NKAIN2: variants seen among roughly 807,000 people sequenced by gnomAD.
NKAIN2 encodes sodium/potassium transporting ATPase interacting 2, also known as sodium/potassium-transporting ATPase subunit beta-1-interacting protein 2.
A neutral mutation model predicts 32.6 loss-of-function variants in NKAIN2; 14 were observed. The observed-to-expected ratio is 0.43, with a 90% CI of 0.28 to 0.67. The LOEUF is 0.67. Ranked by LOEUF, NKAIN2 falls within the 30% of genes least tolerant of loss-of-function variation. The probability of loss-of-function intolerance (pLI) is 0.17; values close to 1 mark genes in which losing one functional copy is unlikely to be tolerated. For missense variants in NKAIN2, 198 were observed against 258.3 expected, an observed-to-expected ratio of 0.77 and a Z score of 1.60; for synonymous variants, 80 against 87.2, an observed-to-expected ratio of 0.92 and a Z score of 0.46.
rs1778005404 is a variant in NKAIN2, at chr6:123,964,948, C to G, written c.54+160694C>G. Among the ~76,000 whole-genome samples the G allele has an allele frequency of 1.3e-5, 2 of 152,108 alleles. No homozygotes were observed. The highest frequency in any genetic ancestry group is 4.8e-5 in the African/African-American group (2 of 41,426). Reference sequence around the variant, plus strand: ...AGTCCTATTTTGCCCTATTTAAGCCCTTGCTTAAATTGATTGCCCAGGTAA... The same window carrying G: ...AGTCCTATTTTGCCCTATTTAAGCCGTTGCTTAAATTGATTGCCCAGGTAA... On this transcript the variant is annotated intron_variant, in intron 1 of 6. Coordinates refer to ENST00000368417, the MANE Select transcript of NKAIN2 (RefSeq NM_001040214.3). The surrounding 1 kb of genome is among the most constrained non-coding windows in gnomAD (Gnocchi z 4.0).
At chr6:124,147,384 A>G (rs1479815891) in intron 1 of NKAIN2, among the ~76,000 whole-genome samples, 1 of 152,136 alleles carries the variant, frequency 6.6e-6, no homozygotes, top group African/African-American at 2.4e-5. Context: ...TCTAGAGAAC[A>G]GTCTCCACCA....
At chr6:124,254,705 C>G (rs1337967664) in intron 1 of NKAIN2, among the ~76,000 whole-genome samples, 5 of 152,116 alleles carry the variant, frequency 3.3e-5, no homozygotes, top group Non-Finnish European at 5.9e-5. Flanking sequence ...GTAGTTTCCT[C>G]TAAGCACTGT....
intron 1 of NKAIN2, among the ~76,000 whole-genome samples, chr6:124,025,644 G>A (rs1185188649): frequency 1.3e-5 from 2 of 152,092 alleles, no homozygotes; most frequent in Non-Finnish European, 2.9e-5. Flanking sequence ...GTTAATAATA[G>A]TGTATTGTAT....
At chr6:124,626,608 G>A (rs1425201471) in intron 3 of NKAIN2, among the ~76,000 whole-genome samples, 1 of 152,084 alleles carries the variant, frequency 6.6e-6, no homozygotes, top group Non-Finnish European at 1.5e-5. Context: ...GCAAGTAGTA[G>A]TCAAAAAGGG....
At chr6:123,906,269 T>A (rs977633476) in intron 1 of NKAIN2, among the ~76,000 whole-genome samples, 2 of 152,064 alleles carry the variant, frequency 1.3e-5, no homozygotes, top group African/African-American at 4.8e-5. Flanking sequence ...CACTTTCTTC[T>A]TCTTCTTCTT....
At chr6:123,939,235 A>T (rs1248601887) in intron 1 of NKAIN2, among the ~76,000 whole-genome samples, 5 of 151,912 alleles carry the variant, frequency 3.3e-5, no homozygotes, top group African/African-American at 1.2e-4. Flanking sequence ...AAAAATAAAG[A>T]TAGTTGCAGA....
chr6:124,024,073 A>G (rs1780994777), intron 1 of NKAIN2, among the ~76,000 whole-genome samples: 1 of 152,150 alleles, frequency 6.6e-6, no homozygotes, highest in Non-Finnish European at 1.5e-5. Context: ...AAAATGGGAA[A>G]GATGGTTTGT....
At chr6:123,970,283 G>C (rs937747863) in intron 1 of NKAIN2, among the ~76,000 whole-genome samples, 1 of 152,126 alleles carries the variant, frequency 6.6e-6, no homozygotes, top group Non-Finnish European at 1.5e-5. Flanking sequence ...AAATGGTAAG[G>C]CTGGTATGTA....
At chr6:124,534,586 G>A (rs576284067) in intron 3 of NKAIN2, among the ~76,000 whole-genome samples, 2 of 152,308 alleles carry the variant, frequency 1.3e-5, no homozygotes, top group Middle Eastern at 3.4e-3. Context: ...TAGTCGGTTC[G>A]AATTTCAGAA....
chr6:124,276,756 T>C (rs150748974), intron 1 of NKAIN2, among the ~76,000 whole-genome samples: 1,991 of 152,286 alleles, frequency 0.013, 23 homozygotes, highest in Admixed American at 0.039. Flanking sequence ...TTTAAAGTCT[T>C]TACAACTTTC....
chr6:124,428,244 C>G (rs1775066425), intron 3 of NKAIN2, among the ~76,000 whole-genome samples: 1 of 152,082 alleles, frequency 6.6e-6, no homozygotes, highest in South Asian at 2.1e-4. Context: ...TTAAACATAG[C>G]TTTTCATGGA....
intron 4 of NKAIN2, among the ~76,000 whole-genome samples, chr6:124,782,973 C>T (rs1381131322): frequency 3.3e-5 from 5 of 152,096 alleles, no homozygotes. Flanking sequence ...TCCCCTATGG[C>T]TCTTATCTCT....
intron 1 of NKAIN2, among the ~76,000 whole-genome samples, chr6:124,001,222 G>A (rs1779865221): frequency 6.6e-6 from 1 of 151,588 alleles, no homozygotes. Context: ...CTCTTTAAAG[G>A]GAATAGCTTT....
At chr6:124,767,691 CTGT>C (rs2114751218) in intron 4 of NKAIN2, among the ~76,000 whole-genome samples, 1 of 152,296 alleles carries the variant, frequency 6.6e-6, no homozygotes, top group African/African-American at 2.4e-5. Flanking sequence ...ATATCTTTCA[CTGT>C]TGTTCTCTCC....
At chr6:124,151,656 A>C (rs1787731734) in intron 1 of NKAIN2, among the ~76,000 whole-genome samples, 1 of 152,004 alleles carries the variant, frequency 6.6e-6, no homozygotes, top group African/African-American at 2.4e-5. Flanking sequence ...GGTTGTCAGC[A>C]TTTGTTATTG....
At chr6:124,024,957 C>G (rs1283779500) in intron 1 of NKAIN2, among the ~76,000 whole-genome samples, 1 of 150,968 alleles carries the variant, frequency 6.6e-6, no homozygotes, top group Non-Finnish European at 1.5e-5. Flanking sequence ...ACTGCTCCAG[C>G]CTGGCAACAG....
chr6:124,344,649 A>G (rs1213423680), intron 2 of NKAIN2, among the ~76,000 whole-genome samples: 2 of 152,104 alleles, frequency 1.3e-5, no homozygotes, highest in African/African-American at 2.4e-5. Context: ...TTATTGGTGT[A>G]TAAGAATGCT....
intron 3 of NKAIN2, among the ~76,000 whole-genome samples, chr6:124,428,087 C>T (rs936280765): frequency 9.2e-5 from 14 of 151,984 alleles, no homozygotes; most frequent in Non-Finnish European, 1.8e-4. Context: ...AGAATATCTC[C>T]TCTATATCTC....
intron 3 of NKAIN2, among the ~76,000 whole-genome samples, chr6:124,429,605 T>C (rs1438119564): frequency 6.6e-6 from 1 of 152,164 alleles, no homozygotes; most frequent in Non-Finnish European, 1.5e-5. Context: ...AAGACTGTAT[T>C]TGGCTTTGTA....
Sources: allele counts gnomAD v4.1 joint callset (sites outside exome capture counted in the v4.1 genomes callset), GRCh38; gene constraint gnomAD v4.1.1; non-coding constraint Gnocchi (gnomAD v3.1); transcripts MANE v1.5; gene names NCBI Gene and HGNC (gene_info 2026-07-23, HGNC 2026-07-21).